The following CAMK2B variants were observed in gnomAD, a reference collection of about 807,000 sequenced individuals.
CAMK2B encodes the protein calcium/calmodulin-dependent protein kinase type II subunit beta.
CAMK2B carries 27 observed loss-of-function variants against 93.7 expected under a neutral mutation model. The observed-to-expected ratio is 0.29, with a 90% CI of 0.21 to 0.40. The LOEUF (loss-of-function observed/expected upper bound fraction) is 0.40, where lower values mean the gene tolerates loss of function less well. CAMK2B is among the 10% of genes least tolerant of loss of function. The pLI is 1.00. For missense variants in CAMK2B, 568 were observed against 895.8 expected (o/e 0.63, Z 4.67); for synonymous variants, 374 against 358.8 (o/e 1.04, Z -0.48).
At chr7:44,308,269 G>T (rs998087488) in intron 1 of CAMK2B, among the ~76,000 whole-genome samples, 2 of 152,226 alleles carry the variant, frequency 1.3e-5, no homozygotes. Flanking sequence ...TCTCACCTGA[G>T]AAATTCCAGG....
chr7:44,274,194 G>A (rs1284718837), intron 2 of CAMK2B, among the ~76,000 whole-genome samples: 1 of 152,142 alleles, frequency 6.6e-6, no homozygotes, highest in Non-Finnish European at 1.5e-5. Context: ...ACACCGAGCT[G>A]GAGTCGGGGC....
At chr7:44,265,618 T>A (rs190791893) in intron 2 of CAMK2B, among the ~76,000 whole-genome samples, 1 of 152,370 alleles carries the variant, frequency 6.6e-6, no homozygotes, top group Admixed American at 6.5e-5. Flanking sequence ...ATAATTTATA[T>A]GCCTGTGTTT....
chr7:44,281,031 C>G (rs1246308749), intron 2 of CAMK2B, among the ~76,000 whole-genome samples: 1 of 152,206 alleles, frequency 6.6e-6, no homozygotes, highest in Non-Finnish European at 1.5e-5. Context: ...CCCCCCACCC[C>G]CAGAACATTT....
intron 1 of CAMK2B, among the ~76,000 whole-genome samples, chr7:44,289,801 C>A (rs901951852): frequency 6.6e-6 from 1 of 152,240 alleles, no homozygotes; most frequent in Non-Finnish European, 1.5e-5. Context: ...TGAGCTCCCG[C>A]AGGGCAGCGC....
intron 1 of CAMK2B, among the ~76,000 whole-genome samples, chr7:44,321,324 C>G (rs1367126533): frequency 1.3e-5 from 2 of 152,228 alleles, no homozygotes; most frequent in Non-Finnish European, 2.9e-5. Flanking sequence ...GCCACACACA[C>G]CCCAGGATAT....
chr7:44,234,515 T>TTCCCTGTCCCGTG, intron 14 of CAMK2B, 54 bp from the exon 15 acceptor site: 1 of 1,579,008 alleles, frequency 6.3e-7, no homozygotes, highest in South Asian at 1.1e-5. Flanking sequence ...TCACTCGCCA[T>TTCCCTGTCCCGTG]TCCCTGTCCC....
intron 1 of CAMK2B, among the ~76,000 whole-genome samples, chr7:44,284,490 C>T (rs934898352): frequency 2.6e-5 from 4 of 152,232 alleles, no homozygotes; most frequent in Admixed American, 2.6e-4. Flanking sequence ...CCCTGGGGGG[C>T]TGTGCAGAGA....
At chr7:44,291,796 G>A (rs903968278) in intron 1 of CAMK2B, among the ~76,000 whole-genome samples, 2 of 152,080 alleles carry the variant, frequency 1.3e-5, no homozygotes, top group Non-Finnish European at 2.9e-5. Context: ...ATTTCATTGC[G>A]TTCACTTCCA....
intron 20 of CAMK2B, 155 bp from the exon 21 acceptor site, chr7:44,221,056 T>A (rs537116431): frequency 3.0e-5 from 18 of 609,404 alleles, no homozygotes; most frequent in African/African-American, 2.6e-4. Context: ...CCGCCCCCCC[T>A]GCATCACCAG....
At chr7:44,306,788 G>C (rs1289485350) in intron 1 of CAMK2B, among the ~76,000 whole-genome samples, 1 of 149,330 alleles carries the variant, frequency 6.7e-6, no homozygotes, top group Non-Finnish European at 1.5e-5. Context: ...GGGGAGGAGG[G>C]TGTGGGCAGG....
intron 1 of CAMK2B, 119 bp downstream of exon 1, chr7:44,325,238 C>G (rs1278217288): frequency 3.5e-5 from 15 of 433,266 alleles, no homozygotes; most frequent in Non-Finnish European, 4.3e-5. Context: ...GGGCCCGGAG[C>G]CCAGAGAAGC....
chr7:44,289,096 A>G (rs1358455339), intron 1 of CAMK2B, among the ~76,000 whole-genome samples: 2 of 151,896 alleles, frequency 1.3e-5, no homozygotes, highest in African/African-American at 4.8e-5. Flanking sequence ...AGGCTTTCCC[A>G]GCTCTGAGCT....
intron 1 of CAMK2B, among the ~76,000 whole-genome samples, chr7:44,303,481 G>A (rs1790651941): frequency 6.6e-6 from 1 of 152,128 alleles, no homozygotes; most frequent in East Asian, 1.9e-4. Flanking sequence ...CAAAGTCTGA[G>A]GTTTGTGAAT....
chr7:44,275,781 C>T (rs1202683499), intron 2 of CAMK2B, among the ~76,000 whole-genome samples: 1 of 152,048 alleles, frequency 6.6e-6, no homozygotes, highest in Non-Finnish European at 1.5e-5. Context: ...CATGCGGTGC[C>T]CCCACTGAGC....
At chr7:44,282,403 T>C (rs1242149340) in intron 2 of CAMK2B, among the ~76,000 whole-genome samples, 2 of 152,102 alleles carry the variant, frequency 1.3e-5, no homozygotes, top group Non-Finnish European at 2.9e-5. Context: ...CCGCAATGTG[T>C]GGAGAATGGT....
chr7:44,253,910 T>G (rs28690603), intron 5 of CAMK2B, among the ~76,000 whole-genome samples: 31,002 of 133,256 alleles, frequency 0.23, 3,682 homozygotes, highest in Non-Finnish European at 0.32. Flanking sequence ...AGTTTTTTTT[T>G]TTTTTTTTTT....
intron 1 of CAMK2B, among the ~76,000 whole-genome samples, chr7:44,285,396 C>T (rs952496041): frequency 8.5e-5 from 13 of 152,154 alleles, no homozygotes; most frequent in African/African-American, 3.1e-4. Context: ...CGTGCAAACC[C>T]GAGCACGCAG....
At chr7:44,233,825 A>G (rs1349084970) in intron 15 of CAMK2B, among the ~76,000 whole-genome samples, 1 of 152,162 alleles carries the variant, frequency 6.6e-6, no homozygotes, top group Non-Finnish European at 1.5e-5. Flanking sequence ...GAGGGAACAC[A>G]GAGGTGACGG....
intron 1 of CAMK2B, among the ~76,000 whole-genome samples, chr7:44,294,138 C>A (rs1459438012): frequency 3.3e-5 from 5 of 152,160 alleles, no homozygotes; most frequent in Admixed American, 3.3e-4. Flanking sequence ...GCTGACCCCC[C>A]TCCAAGGAAG....
Sources: gnomAD v4.1 joint callset for allele counts (sites outside exome capture counted in the v4.1 genomes callset) on GRCh38, gnomAD v4.1.1 for gene constraint, MANE v1.5 for transcripts, NCBI Gene and HGNC (gene_info 2026-07-23, HGNC 2026-07-21) for gene names.